The following ARHGAP32 variants were observed in gnomAD, a reference collection of about 807,000 sequenced individuals.
ARHGAP32 encodes the protein Rho GTPase activating protein 32, also known as rho GTPase-activating protein 32.
ARHGAP32 carries 51 observed loss-of-function variants against 186.5 expected under a neutral mutation model. The observed-to-expected ratio is 0.27, with a 90% CI of 0.22 to 0.35. ARHGAP32 has a LOEUF of 0.35. Ranked by LOEUF, ARHGAP32 falls within the 10% of genes least tolerant of loss-of-function variation. The pLI is 1.00. For synonymous variants in ARHGAP32, 950 were observed against 964.3 expected (o/e 0.99, Z 0.27); for missense variants, 2,186 against 2,623.5 (o/e 0.83, Z 3.64).
intron 2 of ARHGAP32, among the ~76,000 whole-genome samples, chr11:129,131,030 A>C (rs1190133765): frequency 6.6e-6 from 1 of 152,198 alleles, no homozygotes; most frequent in Non-Finnish European, 1.5e-5. Context: ...TATATTAAAC[A>C]ACATGAATAA....
intron 6 of ARHGAP32, among the ~76,000 whole-genome samples, chr11:129,092,204 T>C (rs939141661): frequency 1.3e-5 from 2 of 152,148 alleles, no homozygotes; most frequent in African/African-American, 4.8e-5. Context: ...GCTTGCCTTC[T>C]GAAGGTCATT....
intron 1 of ARHGAP32, among the ~76,000 whole-genome samples, chr11:129,224,716 A>G (rs953508482): frequency 6.7e-6 from 1 of 149,890 alleles, no homozygotes; most frequent in African/African-American, 2.5e-5. Context: ...GACATCCTCA[A>G]ACACGCTACT....
intron 1 of ARHGAP32, among the ~76,000 whole-genome samples, chr11:129,264,619 T>C (rs898854862): frequency 6.6e-6 from 1 of 152,166 alleles, no homozygotes; most frequent in African/African-American, 2.4e-5. Context: ...AGGCTCTCCT[T>C]GAAGCTCAAG....
Position 128,974,378 on chromosome 11 carries a change from A to G in ARHGAP32, c.2819T>C (p.Val940Ala), listed in dbSNP as rs1281527833. Residue 940 changes from valine to alanine, a missense_variant, in exon 21 of 23, where the codon GTC (valine) becomes GCC (alanine). This residue lies in a region of ARHGAP32 where 1,502 missense variants were observed against 1,570.0 expected (regional missense o/e 0.96). Coordinates refer to ENST00000682385, the MANE Select transcript of ARHGAP32 (RefSeq NM_001378024.1). The stretch of plus-strand genomic sequence containing the variant: ...TGCATTCTGAGCTGTGGTATTTGAG[A>G]CTGTACCAATGACTTCTGACACCCG... Reference protein sequence around the residue: ...PPRVSEVIGTVSNTTAQNASS... With the variant: ...PPRVSEVIGTASNTTAQNASS... 2 of 1,614,130 alleles carry G rather than the reference A, an allele frequency of 1.2e-6. No homozygotes were observed. Among genetic ancestry groups the G allele is most frequent in the Non-Finnish European group, 1.7e-6 (2 of 1,180,022 alleles).
chr11:129,095,376 T>C (rs1002551203), intron 5 of ARHGAP32, among the ~76,000 whole-genome samples: 11 of 152,162 alleles, frequency 7.2e-5, no homozygotes, highest in Non-Finnish European at 1.5e-4. Flanking sequence ...CACTGTAGTG[T>C]AATCACTAAA....
At chr11:129,029,078 G>A (rs1360650164) in intron 11 of ARHGAP32, among the ~76,000 whole-genome samples, 5 of 152,122 alleles carry the variant, frequency 3.3e-5, no homozygotes, top group Non-Finnish European at 7.4e-5. Flanking sequence ...AGTGGCATTA[G>A]GAAGGGACGA....
chr11:129,038,888 G>GAAAAAAAAAAAAAAAAAA (rs56810685), intron 11 of ARHGAP32, among the ~76,000 whole-genome samples: 21 of 92,166 alleles, frequency 2.3e-4, no homozygotes, highest in Admixed American at 4.1e-4. Flanking sequence ...ACCCTGTCTC[G>GAAAAAAAAAAAAAAAAAA]AAAAAAAAAA....
intron 1 of ARHGAP32, among the ~76,000 whole-genome samples, chr11:129,173,342 AG>A (rs1169468555): frequency 2.0e-5 from 3 of 151,566 alleles, no homozygotes; most frequent in Non-Finnish European, 4.4e-5. Flanking sequence ...AAAAAAAAAA[AG>A]AAAAGCCCAG....
chr11:129,097,462 A>G (rs938719657), intron 5 of ARHGAP32, among the ~76,000 whole-genome samples: 1 of 152,180 alleles, frequency 6.6e-6, no homozygotes, highest in Non-Finnish European at 1.5e-5. Context: ...AGAAATATCA[A>G]TAAAGAGATA....
At chr11:129,169,986 T>C (rs1280000328) in intron 1 of ARHGAP32, among the ~76,000 whole-genome samples, 1 of 152,044 alleles carries the variant, frequency 6.6e-6, no homozygotes, top group Non-Finnish European at 1.5e-5. Flanking sequence ...AAGAGAAAAT[T>C]ATAGGTTGAT....
At position 128,980,742 on chromosome 11, in the gene ARHGAP32, A is replaced by G. The variant is rs1275098663; in HGVS notation, c.1787T>C (p.Leu596Pro). The change falls in exon 18 of 23, where the codon CTA (leucine) becomes CCA (proline). Residue 596 changes from leucine (L) to proline (P), a missense_variant. By Grantham distance (98) the Leu-to-Pro change is moderately conservative (BLOSUM62 -3). Transcript: ENST00000682385. ...SMAMQEGAASLSRPKSLLVSS... is the reference protein window; with the variant it reads ...SMAMQEGAASPSRPKSLLVSS... ...TACCAGGAGGGACTTGGGCCTTGAT[A>G]GAGAAGCTTCAAAAAGAAAAGGAAG... The G allele has an allele frequency of 6.2e-7, 1 of 1,600,160 alleles. No homozygotes were observed. Among genetic ancestry groups the G allele is most frequent in the African/African-American group, 1.4e-5 (1 of 73,974 alleles).
chr11:129,041,784 C>T (rs984980027), intron 10 of ARHGAP32, among the ~76,000 whole-genome samples: 10 of 152,024 alleles, frequency 6.6e-5, no homozygotes, highest in Non-Finnish European at 1.0e-4. Context: ...GGATAAATAC[C>T]GAGATAAACA....
rs1942292134 is a variant in ARHGAP32, at chr11:129,113,834, T to C, written c.444+9612A>G. Among the ~76,000 whole-genome samples, 3 of 151,972 alleles carry C rather than the reference T, an allele frequency of 2.0e-5. No homozygotes were observed. The South Asian group carries it at 6.2e-4, about 32-fold the overall frequency. ...CGTCATCTTTCCTCACATATTCTCC[T>C]CCTCCTCCTGAATTCACAAAACAAA... On this transcript the variant is annotated intron_variant, in intron 5 of 22. Coordinates refer to ENST00000682385, the MANE Select transcript of ARHGAP32 (RefSeq NM_001378024.1).
chr11:129,050,606 T>C (rs1033152728), intron 10 of ARHGAP32, among the ~76,000 whole-genome samples: 1 of 152,200 alleles, frequency 6.6e-6, no homozygotes, highest in Non-Finnish European at 1.5e-5. Context: ...TACTAGTAAA[T>C]ATGACTTCCA....
intron 18 of ARHGAP32, among the ~76,000 whole-genome samples, chr11:128,979,408 A>G (rs1272911736): frequency 6.6e-6 from 1 of 152,204 alleles, no homozygotes; most frequent in African/African-American, 2.4e-5. Context: ...ACATGAGGTA[A>G]GTACTATTAT....
intron 1 of ARHGAP32, 83 bp downstream of exon 1, chr11:129,192,000 A>G: frequency 1.9e-6 from 2 of 1,041,394 alleles, no homozygotes; most frequent in East Asian, 2.4e-5. Flanking sequence ...ATTGGAAAAA[A>G]GACCGAAATG....
chr11:128,973,902 G>T, intron 21 of ARHGAP32: 1 of 572,678 alleles, frequency 1.7e-6, no homozygotes. Flanking sequence ...AAGAGATAAG[G>T]GGACTTTTGT....
intron 2 of ARHGAP32, among the ~76,000 whole-genome samples, chr11:129,126,959 C>T (rs686172): frequency 0.7 from 107,135 of 152,070 alleles, 38,036 homozygotes; most frequent in South Asian, 0.83. Context: ...AATAAAGTGG[C>T]TTTTCACTAC....
Position 129,121,343 on chromosome 11 carries a change from T to C in ARHGAP32, c.444+2103A>G, listed in dbSNP as rs887854146. On this transcript the variant is annotated intron_variant, in intron 5 of 22. Transcript: ENST00000682385. ...ACAACTTAGTTAATGGAAACTAATGTTTTCCTCCTGATGGTATCTAACATG... is the reference window on the plus strand; with the variant it reads ...ACAACTTAGTTAATGGAAACTAATGCTTTCCTCCTGATGGTATCTAACATG... Among the ~76,000 whole-genome samples the C allele has an allele frequency of 3.3e-5, 5 of 152,142 alleles. 1 individual carries two copies. The highest frequency in any genetic ancestry group is 3.4e-3 in the Middle Eastern group (1 of 294).
Sources: allele counts gnomAD v4.1 joint callset (sites outside exome capture counted in the v4.1 genomes callset), GRCh38; gene constraint gnomAD v4.1.1; regional missense constraint gnomAD v4.1.1; transcripts MANE v1.5; gene names NCBI Gene and HGNC (gene_info 2026-07-23, HGNC 2026-07-21).